GALNT18: variants seen among roughly 807,000 people sequenced by gnomAD.
GALNT18 encodes the protein polypeptide N-acetylgalactosaminyltransferase 18, also known as GalNAc-transferase 18.
Under a neutral mutation model 69.5 loss-of-function variants are expected in GALNT18, and 44 were observed. The ratio of observed to expected loss-of-function variants is 0.63; its 90% CI spans 0.50 to 0.81. The LOEUF is 0.81. Ranked by LOEUF, GALNT18 falls within the 40% of genes least tolerant of loss-of-function variation. The probability of loss-of-function intolerance (pLI) is 0.00; values close to 1 mark genes in which losing one functional copy is unlikely to be tolerated. For synonymous variants in GALNT18, 364 were observed against 318.2 expected (o/e 1.14, Z -1.53); for missense variants, 715 against 810.0 (o/e 0.88, Z 1.42).
chr11:11,450,560 C>A (rs1046039991), intron 1 of GALNT18, among the ~76,000 whole-genome samples: 5 of 152,188 alleles, frequency 3.3e-5, no homozygotes, highest in Non-Finnish European at 5.9e-5. Context: ...ATGCCAGAGA[C>A]CTCAGTGTGA....
intron 9 of GALNT18, among the ~76,000 whole-genome samples, chr11:11,313,725 T>A (rs1334331963): frequency 2.0e-5 from 3 of 152,212 alleles, no homozygotes; most frequent in African/African-American, 7.2e-5. Context: ...TCGGTAATTG[T>A]GTAACCTTGA....
chr11:11,442,825 A>G (rs534950546), intron 2 of GALNT18, among the ~76,000 whole-genome samples: 1 of 152,286 alleles, frequency 6.6e-6, no homozygotes, highest in Admixed American at 6.5e-5. Context: ...GAGCCAGTCC[A>G]TCCTAACCCC....
At chr11:11,327,314 A>G (rs1035029166) in intron 8 of GALNT18, 133 bp from the exon 9 acceptor site, 2 of 678,604 alleles carry the variant, frequency 2.9e-6, no homozygotes, top group Non-Finnish European at 5.1e-6. Context: ...CTTGAACACT[A>G]TAGAACCAAC....
chr11:11,341,131 C>G lies in GALNT18; in HGVS notation c.1093-127G>C. On this transcript the variant is annotated intron_variant, in intron 6 of 10. Coordinates refer to ENST00000227756, the MANE Select transcript of GALNT18 (RefSeq NM_198516.3). This position sits in a 1 kb window ranked among gnomAD's most constrained non-coding sequence, Gnocchi z 6.3. ...CTTCACCTTGACTCCCCAGATCACT[C>G]TCTGTGAAGGAGTAGGCCATACCTG... is the stretch of plus-strand genomic sequence containing the variant. The G allele has an allele frequency of 1.2e-6, 1 of 805,520 alleles. No individual in the cohort carries two copies. The highest frequency in any genetic ancestry group is 1.9e-6 in the Non-Finnish European group (1 of 513,800). The allele number at this position is 805,520 out of a possible 1,614,324, so 49.9% of individuals were successfully genotyped here. A position where few individuals can be genotyped will look rare whatever the true frequency, so the allele number is the denominator to read the frequency against.
At chr11:11,453,646 G>C (rs1855856818) in intron 1 of GALNT18, among the ~76,000 whole-genome samples, 1 of 152,116 alleles carries the variant, frequency 6.6e-6, no homozygotes, top group Non-Finnish European at 1.5e-5. Context: ...CTGAATCATG[G>C]GGGCAAGTCT....
chr11:11,305,139 G>A lies in GALNT18; in HGVS notation c.1513-11946C>T, dbSNP rs116161516. On this transcript the variant is annotated intron_variant, in intron 9 of 10. Transcript: ENST00000227756. Reference sequence around the variant, plus strand: ...GACCTCATCTATGCAACGAAGAGACGGTTGGTGAAATACCTTGGTAAGATA... The same window carrying A: ...GACCTCATCTATGCAACGAAGAGACAGTTGGTGAAATACCTTGGTAAGATA... Among the ~76,000 whole-genome samples, 593 of 151,664 alleles carry A rather than the reference G, an allele frequency of 3.9e-3. 4 individuals are homozygous for A. Among genetic ancestry groups the A allele is most frequent in the African/African-American group, 0.014 (560 of 41,358 alleles).
chr11:11,616,854 A>G lies in GALNT18; in HGVS notation c.235+4505T>C, dbSNP rs1860064964. 6.6e-6 allele frequency among the ~76,000 whole-genome samples: 1 copy of G among 152,264 alleles called. No individual in the cohort carries two copies. Among genetic ancestry groups the G allele is most frequent in the Admixed American group, 6.5e-5 (1 of 15,292 alleles). On this transcript the variant is annotated intron_variant, in intron 1 of 10. Coordinates refer to ENST00000227756, the MANE Select transcript of GALNT18 (RefSeq NM_198516.3). This position sits in a 1 kb window ranked among gnomAD's most constrained non-coding sequence, Gnocchi z 4.4. The stretch of plus-strand genomic sequence containing the variant: ...CCAATGAAATATGACGGCTAAAAAG[A>G]TGAGTGTTGTTTCTAAGAAAATTAC...
At chr11:11,385,482 A>G (rs1388147948) in intron 3 of GALNT18, among the ~76,000 whole-genome samples, 2 of 152,150 alleles carry the variant, frequency 1.3e-5, no homozygotes, top group Non-Finnish European at 2.9e-5. Flanking sequence ...TTTTTAGTAG[A>G]GATGGGGTTT....
At chr11:11,581,299 A>G (rs1436633758) in intron 1 of GALNT18, among the ~76,000 whole-genome samples, 1 of 152,226 alleles carries the variant, frequency 6.6e-6, no homozygotes, top group African/African-American at 2.4e-5. Context: ...ACCAAGGAGC[A>G]CTGGCTGTGG....
chr11:11,369,927 G>C (rs1360450906), intron 6 of GALNT18, among the ~76,000 whole-genome samples: 1 of 152,050 alleles, frequency 6.6e-6, no homozygotes, highest in Non-Finnish European at 1.5e-5. Context: ...TTTTGAGACG[G>C]TGCTCAAAGT....
At chr11:11,381,928 A>G (rs953805725) in intron 3 of GALNT18, among the ~76,000 whole-genome samples, 13 of 152,210 alleles carry the variant, frequency 8.5e-5, no homozygotes, top group African/African-American at 2.9e-4. Context: ...GCTGTAATAA[A>G]CATTTTCTAT....
At chr11:11,397,487 C>T (rs1254616307) in intron 3 of GALNT18, among the ~76,000 whole-genome samples, 1 of 152,142 alleles carries the variant, frequency 6.6e-6, no homozygotes, top group African/African-American at 2.4e-5. Flanking sequence ...TTTTTTGAGA[C>T]AGGGTTCACT....
chr11:11,379,406 C>T, intron 3 of GALNT18, 142 bp from the exon 4 acceptor site: 1 of 712,182 alleles, frequency 1.4e-6, no homozygotes, highest in Non-Finnish European at 2.3e-6. Context: ...TTCAGTGGTC[C>T]CCACAGTGGC....
intron 3 of GALNT18, among the ~76,000 whole-genome samples, chr11:11,414,049 T>G (rs892410808): frequency 6.6e-6 from 1 of 152,144 alleles, no homozygotes; most frequent in African/African-American, 2.4e-5. Flanking sequence ...GCATCTTCCA[T>G]TCCTTCCTTT....
At chr11:11,362,126 T>C (rs560380016) in intron 6 of GALNT18, among the ~76,000 whole-genome samples, 8 of 152,254 alleles carry the variant, frequency 5.3e-5, no homozygotes, top group African/African-American at 1.9e-4. Flanking sequence ...GTTGACCATA[T>C]AGAAAAATAA....
intron 6 of GALNT18, among the ~76,000 whole-genome samples, chr11:11,350,308 G>A (rs1291239814): frequency 6.6e-6 from 1 of 152,178 alleles, no homozygotes; most frequent in Non-Finnish European, 1.5e-5. Context: ...ATAATGACTG[G>A]GCCACAGGAG....
intron 9 of GALNT18, among the ~76,000 whole-genome samples, chr11:11,313,249 G>T (rs947719122): frequency 1.3e-5 from 2 of 152,264 alleles, no homozygotes; most frequent in Non-Finnish European, 2.9e-5. Context: ...GGAGGCATGT[G>T]CAGACAGCCC....
chr11:11,406,061 A>G (rs1031632054), intron 3 of GALNT18, among the ~76,000 whole-genome samples: 2 of 152,226 alleles, frequency 1.3e-5, no homozygotes, highest in Non-Finnish European at 2.9e-5. Context: ...ATGAGGATAA[A>G]CATTCCCCCA....
rs1486712099 is a variant in GALNT18 at position 11,432,514 on chromosome 11, G to A, written c.595+107C>T. On this transcript the variant is annotated intron_variant, in intron 3 of 10. Coordinates refer to ENST00000227756, the MANE Select transcript of GALNT18 (RefSeq NM_198516.3). This position sits in a 1 kb window ranked among gnomAD's most constrained non-coding sequence, Gnocchi z 5.8. ...ATTTCTCATCTATGCTCCAGAGAAA[G>A]AGCAGCCACAGACAGCCTTGAGCAA... The A allele has an allele frequency of 1.8e-6, 2 of 1,130,364 alleles. No individual in the cohort carries two copies. Among genetic ancestry groups the A allele is most frequent in the Non-Finnish European group, 2.5e-6 (2 of 803,244 alleles). 70.0% of individuals were successfully genotyped at this position (1,130,364 alleles called of 1,614,324 possible).
Sources: allele counts gnomAD v4.1 joint callset (sites outside exome capture counted in the v4.1 genomes callset), GRCh38; gene constraint gnomAD v4.1.1; non-coding constraint Gnocchi (gnomAD v3.1); transcripts MANE v1.5; gene names NCBI Gene and HGNC (gene_info 2026-07-23, HGNC 2026-07-21).